KIAA1191: variants seen among roughly 807,000 people sequenced by gnomAD.
KIAA1191 encodes the protein KIAA1191, also known as putative monooxygenase p33MONOX.
Under a neutral mutation model 31.1 loss-of-function variants are expected in KIAA1191, and 22 were observed. That is an observed-to-expected ratio of 0.71 (90% CI 0.51 to 1.01). KIAA1191 has a LOEUF of 1.01. KIAA1191 is among the 50% of genes least tolerant of loss of function. The pLI, the probability that KIAA1191 is intolerant of heterozygous loss-of-function variation, is 0.00. For synonymous variants in KIAA1191, 130 were observed against 143.9 expected, an observed-to-expected ratio of 0.90 and a Z score of 0.69; for missense variants, 319 against 388.0, an observed-to-expected ratio of 0.82 and a Z score of 1.49.
intron 3 of KIAA1191, chr5:176,356,008 A>G: frequency 2.4e-6 from 1 of 410,734 alleles, no homozygotes; most frequent in Non-Finnish European, 4.5e-6. Flanking sequence ...GACACAGTCT[A>G]TGTTGCCCAG....
At chr5:176,352,589 T>C in intron 5 of KIAA1191, 33 bp downstream of exon 5, 1 of 1,608,444 alleles carries the variant, frequency 6.2e-7, no homozygotes, top group Non-Finnish European at 8.5e-7. Flanking sequence ...CCTGCCCCTA[T>C]GGCACTCTAC....
chr5:176,357,683 A>G lies in KIAA1191; in HGVS notation c.28+1798T>C, dbSNP rs111705316. Among the ~76,000 whole-genome samples the G allele has an allele frequency of 5.6e-3, 855 of 152,280 alleles. 10 individuals carry two copies. The highest frequency in any genetic ancestry group is 0.019 in the African/African-American group (804 of 41,556). ...GCATTCACTGAATGGGCACAATCCTATGGCTCGCGACGGCTACACGGAGTT... is the reference window on the plus strand; with the variant it reads ...GCATTCACTGAATGGGCACAATCCTGTGGCTCGCGACGGCTACACGGAGTT... On this transcript the variant is annotated intron_variant, in intron 3 of 8. Coordinates refer to ENST00000298569, the MANE Select transcript of KIAA1191 (RefSeq NM_020444.5).
Position 176,347,609 on chromosome 5 carries a change from A to C in KIAA1191, c.909T>G (p.Thr303=). 1 of 1,502,378 alleles carries C rather than the reference A, an allele frequency of 6.7e-7. No individual in the cohort carries two copies. The highest frequency in any genetic ancestry group is 8.9e-7 in the Non-Finnish European group (1 of 1,126,004). 93.1% of individuals were successfully genotyped at this position (1,502,378 alleles called of 1,614,324 possible). Residue 303 remains threonine (T), a synonymous_variant, in exon 9 of 9, where the codon ACT becomes ACG. Coordinates refer to ENST00000298569, the MANE Select transcript of KIAA1191 (RefSeq NM_020444.5). The part of the protein sequence containing the change: ...KPRDLNVLTP[T]GF ...CCCTGGAAAGAGGGCTCTAGAAGCC[A>C]GTGGGTGTGAGCACATTCAGGTCAC... is the stretch of plus-strand genomic sequence containing the variant.
Position 176,355,936 on chromosome 5 carries a change from C to G in KIAA1191, c.29-187G>C, listed in dbSNP as rs1408765240. ...CAATCCCTTCCTCTATGCCTGACAC[C>G]TTGGGTGGTCCACTTAACCCACTCA... On this transcript the variant is annotated intron_variant, in intron 3 of 8. Coordinates refer to ENST00000298569, the MANE Select transcript of KIAA1191 (RefSeq NM_020444.5). The surrounding 1 kb of genome is among the most constrained non-coding windows in gnomAD (Gnocchi z 4.2). 1.6e-6 allele frequency: 1 copy of G among 624,608 alleles called. No homozygotes were observed. Among genetic ancestry groups the G allele is most frequent in the African/African-American group, 1.9e-5 (1 of 53,898 alleles). 38.7% of individuals were successfully genotyped at this position (624,608 alleles called of 1,614,324 possible).
intron 5 of KIAA1191, among the ~76,000 whole-genome samples, chr5:176,351,349 A>G (rs1357478145): frequency 6.6e-6 from 1 of 152,072 alleles, no homozygotes; most frequent in African/African-American, 2.4e-5. Flanking sequence ...TCAAAAAAAA[A>G]AAAAAAGTTA....
In KIAA1191 at chr5:176,355,642, G is replaced by A. The variant is rs1767447944; in HGVS notation, c.136C>T (p.Pro46Ser). ...TLEDPAPMTP[P>S]PSDMGSVPWK... The stretch of plus-strand genomic sequence containing the variant: ...GGGACGCTGCCCATGTCCGATGGAG[G>A]AGGAGTCATGGGCGCAGGGTCCTCG... The change falls in exon 4 of 9, where the codon CCT (proline) becomes TCT (serine). Residue 46 changes from proline (P) to serine (S), a missense_variant. Physicochemically the swap from Pro to Ser is moderately conservative, Grantham distance 74 (BLOSUM62 -1). Coordinates refer to ENST00000298569, the MANE Select transcript of KIAA1191 (RefSeq NM_020444.5). The surrounding 1 kb of genome is among the most constrained non-coding windows in gnomAD (Gnocchi z 4.2). The A allele has an allele frequency of 1.4e-5, 23 of 1,612,972 alleles. No homozygotes were observed. Among genetic ancestry groups the A allele is most frequent in the Non-Finnish European group, 1.9e-5 (23 of 1,180,002 alleles).
chr5:176,354,888 G>A (rs1008244529), intron 4 of KIAA1191, among the ~76,000 whole-genome samples: 6 of 152,086 alleles, frequency 3.9e-5, no homozygotes, highest in Non-Finnish European at 5.9e-5. Context: ...TCAGGAGGAC[G>A]GAGATGTCAG....
chr5:176,352,226 A>G (rs1767096896), intron 5 of KIAA1191, among the ~76,000 whole-genome samples: 1 of 151,206 alleles, frequency 6.6e-6, no homozygotes, highest in Non-Finnish European at 1.5e-5. Context: ...CCCCTTCTCC[A>G]GCAGAGCTTG....
intron 4 of KIAA1191, chr5:176,354,533 C>G (rs973158659): frequency 6.6e-6 from 1 of 152,082 alleles, no homozygotes; most frequent in Non-Finnish European, 1.5e-5. Flanking sequence ...TGCGAACCTA[C>G]GAAACTAGAC....
At chr5:176,358,870 G>T (rs1262236553) in intron 3 of KIAA1191, among the ~76,000 whole-genome samples, 7 of 152,132 alleles carry the variant, frequency 4.6e-5, no homozygotes, top group African/African-American at 1.7e-4. Context: ...GGATCACAAG[G>T]TCAAGAAATC....
intron 3 of KIAA1191, among the ~76,000 whole-genome samples, chr5:176,358,885 C>T (rs1057485570): frequency 6.6e-6 from 1 of 151,978 alleles, no homozygotes; most frequent in African/African-American, 2.4e-5. Flanking sequence ...GAAATCGAGA[C>T]CATCCTGGCT....
chr5:176,356,969 G>A (rs952336712), intron 3 of KIAA1191, among the ~76,000 whole-genome samples: 5 of 152,164 alleles, frequency 3.3e-5, no homozygotes, highest in Admixed American at 6.5e-5. Flanking sequence ...GTGAGGATAC[G>A]ACTGCTAATG....
In KIAA1191 at chr5:176,359,345, C is replaced by T. The variant is rs913337754; in HGVS notation, c.28+136G>A. On this transcript the variant is annotated intron_variant, in intron 3 of 8. Coordinates refer to ENST00000298569, the MANE Select transcript of KIAA1191 (RefSeq NM_020444.5). ...AAAAAATAAAATAAAATAAAATAAG[C>T]CAATCTAGTAAATCTAAATACTCGC... 99 of 770,892 alleles carry T rather than the reference C, an allele frequency of 1.3e-4. No individual in the cohort carries two copies. The African/African-American group carries it at 1.5e-3, about 11-fold the overall frequency. The allele number at this position is 770,892 out of a possible 1,614,324, so 47.8% of individuals were successfully genotyped here.
chr5:176,355,447 G>T lies in KIAA1191; in HGVS notation c.207+124C>A. The T allele has an allele frequency of 1.3e-6, 1 of 763,840 alleles. No homozygotes were observed. The highest frequency in any genetic ancestry group is 2.1e-6 in the Non-Finnish European group (1 of 467,428). The allele number at this position is 763,840 out of a possible 1,614,324, so 47.3% of individuals were successfully genotyped here. A position where few individuals can be genotyped will look rare whatever the true frequency, so the allele number is the denominator to read the frequency against. On this transcript the variant is annotated intron_variant, in intron 4 of 8. Coordinates refer to ENST00000298569, the MANE Select transcript of KIAA1191 (RefSeq NM_020444.5). This position sits in a 1 kb window ranked among gnomAD's most constrained non-coding sequence, Gnocchi z 4.2. ...AAAAGACAGCTATAACTGAGGCACA[G>T]AAAACACATACAGGGAGTGGTTGCT...
rs1007761647 is a variant in KIAA1191, at chr5:176,355,019, G to A, written c.207+552C>T. 1.3e-5 allele frequency among the ~76,000 whole-genome samples: 2 copies of A among 152,148 alleles called. No individual in the cohort carries two copies. The highest frequency in any genetic ancestry group is 2.9e-5 in the Non-Finnish European group (2 of 68,030). On this transcript the variant is annotated intron_variant, in intron 4 of 8. Coordinates refer to ENST00000298569, the MANE Select transcript of KIAA1191 (RefSeq NM_020444.5). This position sits in a 1 kb window ranked among gnomAD's most constrained non-coding sequence, Gnocchi z 4.2. The stretch of plus-strand genomic sequence containing the variant: ...GATGGCAAACATCCTAAACAATCAG[G>A]GCAGTGTGAGCCAAAAACTGACAGG...
In KIAA1191 at chr5:176,359,268, G is replaced by A. The variant is rs149413127; in HGVS notation, c.28+213C>T. ...CAGGAAGCGGAGGTAGCAGTGAGCCGAGATTGTGCCGCTGCACTCCAGCCT... is the reference window on the plus strand; with the variant it reads ...CAGGAAGCGGAGGTAGCAGTGAGCCAAGATTGTGCCGCTGCACTCCAGCCT... On this transcript the variant is annotated intron_variant, in intron 3 of 8. Coordinates refer to ENST00000298569, the MANE Select transcript of KIAA1191 (RefSeq NM_020444.5). 2.3e-3 allele frequency among the ~76,000 whole-genome samples: 345 copies of A among 152,046 alleles called. 4 individuals carry two copies. Among genetic ancestry groups the A allele is most frequent in the African/African-American group, 8.0e-3 (330 of 41,432 alleles).
intron 6 of KIAA1191, among the ~76,000 whole-genome samples, chr5:176,350,370 T>C (rs929771505): frequency 3.9e-5 from 6 of 152,222 alleles, no homozygotes; most frequent in African/African-American, 1.4e-4. Flanking sequence ...ATTTGCTTTA[T>C]GATTCATAAA....
At chr5:176,349,389 T>A (rs556234410) in intron 6 of KIAA1191, among the ~76,000 whole-genome samples, 2 of 152,256 alleles carry the variant, frequency 1.3e-5, no homozygotes, top group Admixed American at 1.3e-4. Context: ...CATTACAAAA[T>A]GCAAACAGGG....
At chr5:176,353,800 T>C (rs1377289493) in intron 4 of KIAA1191, among the ~76,000 whole-genome samples, 5 of 152,184 alleles carry the variant, frequency 3.3e-5, no homozygotes, top group Admixed American at 2.6e-4. Flanking sequence ...GCAGGGTGTG[T>C]GGCCTGGCAA....
Sources: allele counts gnomAD v4.1 joint callset (sites outside exome capture counted in the v4.1 genomes callset), GRCh38; gene constraint gnomAD v4.1.1; non-coding constraint Gnocchi (gnomAD v3.1); transcripts MANE v1.5; gene names NCBI Gene and HGNC (gene_info 2026-07-23, HGNC 2026-07-21).